PTPN14: variants seen among roughly 807,000 people sequenced by gnomAD.
PTPN14 encodes tyrosine-protein phosphatase non-receptor type 14.
PTPN14 carries 53 observed loss-of-function variants against 126.8 expected under a neutral mutation model. The ratio of observed to expected loss-of-function variants is 0.42; its 90% CI spans 0.34 to 0.53. The LOEUF (loss-of-function observed/expected upper bound fraction) is 0.53. PTPN14 is among the 20% of genes least tolerant of loss of function. PTPN14 has a pLI of 0.08. For synonymous variants in PTPN14, 630 were observed against 599.3 expected, an observed-to-expected ratio of 1.05 and a Z score of -0.75; for missense variants, 1,257 against 1,552.9, an observed-to-expected ratio of 0.81 and a Z score of 3.20.
At chr1:214,422,897 A>G (rs1172510949) in intron 3 of PTPN14, among the ~76,000 whole-genome samples, 1 of 152,212 alleles carries the variant, frequency 6.6e-6, no homozygotes, top group African/African-American at 2.4e-5. Context: ...CCCAGAAATG[A>G]GTAGGAAAAC....
chr1:214,444,686 C>T (rs528784071), intron 3 of PTPN14, among the ~76,000 whole-genome samples: 2 of 152,206 alleles, frequency 1.3e-5, no homozygotes, highest in South Asian at 4.2e-4. Flanking sequence ...AAGAAAGCTA[C>T]TGTAAGGTCA....
chr1:214,507,762 T>C (rs1571631736), intron 1 of PTPN14, among the ~76,000 whole-genome samples: 1 of 152,214 alleles, frequency 6.6e-6, no homozygotes, highest in South Asian at 2.1e-4. Flanking sequence ...CCAGTGCATA[T>C]AAAAGTTATG....
At chr1:214,449,364 C>T (rs1302414377) in intron 3 of PTPN14, among the ~76,000 whole-genome samples, 1 of 152,202 alleles carries the variant, frequency 6.6e-6, no homozygotes, top group Non-Finnish European at 1.5e-5. Context: ...AGCATAACTT[C>T]TGAGTCCCTC....
chr1:214,452,299 TTC>T (rs1660289884), intron 2 of PTPN14, among the ~76,000 whole-genome samples: 1 of 152,212 alleles, frequency 6.6e-6, no homozygotes, highest in Admixed American at 6.5e-5. Flanking sequence ...AGACTGCCTT[TTC>T]TGTGTGCCTT....
chr1:214,441,612 A>G (rs1660037996), intron 3 of PTPN14, among the ~76,000 whole-genome samples: 1 of 152,216 alleles, frequency 6.6e-6, no homozygotes, highest in East Asian at 1.9e-4. Context: ...AAATTGACAC[A>G]CCATTCTCAA....
At chr1:214,394,846 A>C in intron 9 of PTPN14, 53 bp downstream of exon 9, 1 of 1,494,062 alleles carries the variant, frequency 6.7e-7, no homozygotes, top group South Asian at 1.1e-5. Flanking sequence ...GGAGTTGAAA[A>C]GTCCAAAAGC....
At chr1:214,437,294 T>G (rs1659942225) in intron 3 of PTPN14, among the ~76,000 whole-genome samples, 1 of 152,080 alleles carries the variant, frequency 6.6e-6, no homozygotes, top group Admixed American at 6.6e-5. Context: ...TTTGCAAAAT[T>G]CTCACTTTAA....
rs144554404 is a variant in PTPN14 at position 214,373,297 on chromosome 1, G to A, written c.2908-458C>T. Among the ~76,000 whole-genome samples the A allele has an allele frequency of 5.5e-3, 834 of 152,062 alleles. 9 individuals are homozygous for A. Among genetic ancestry groups the A allele is most frequent in the African/African-American group, 0.019 (799 of 41,490 alleles). On this transcript the variant is annotated intron_variant, in intron 15 of 18. Coordinates refer to ENST00000366956, the MANE Select transcript of PTPN14 (RefSeq NM_005401.5). ...TTGAACTCCTGACTTCAGGTGATAC[G>A]CCCATCTCAGCCTCCCAAAGTGCTG...
chr1:214,534,334 T>C (rs1236526296), intron 1 of PTPN14, among the ~76,000 whole-genome samples: 1 of 152,174 alleles, frequency 6.6e-6, no homozygotes, highest in South Asian at 2.1e-4. Context: ...ATGTTTATAG[T>C]GATACTTTTT....
At chr1:214,550,593 G>A (rs866781663) in intron 1 of PTPN14, among the ~76,000 whole-genome samples, 2 of 152,202 alleles carry the variant, frequency 1.3e-5, no homozygotes, top group Non-Finnish European at 2.9e-5. Context: ...GTGAAGACCT[G>A]ATCTGAAATT....
rs372170865 is a variant in PTPN14 at position 214,357,878 on chromosome 1, C to T, written c.*44G>A. 1.2e-4 allele frequency: 198 copies of T among 1,585,470 alleles called. 1 individual carries two copies. The African/African-American group carries it at 2.1e-3, about 16-fold the overall frequency. ...TTGTCTGGAGGTGACTCTCCTCCAGCGCGATGGAGCTGGGTCCCTCCTCCA... is the reference window on the plus strand; with the variant it reads ...TTGTCTGGAGGTGACTCTCCTCCAGTGCGATGGAGCTGGGTCCCTCCTCCA... On this transcript the variant is annotated 3_prime_UTR_variant, in exon 19 of 19. Transcript: ENST00000366956.
At chr1:214,521,977 C>T (rs534721429) in intron 1 of PTPN14, among the ~76,000 whole-genome samples, 163 of 138,470 alleles carry the variant, frequency 1.2e-3, no homozygotes, top group Non-Finnish European at 2.0e-3. Flanking sequence ...TGCTCTGTTG[C>T]CCAGGCTGGA....
At chr1:214,447,634 C>T (rs1175436019) in intron 3 of PTPN14, among the ~76,000 whole-genome samples, 1 of 152,096 alleles carries the variant, frequency 6.6e-6, no homozygotes, top group Non-Finnish European at 1.5e-5. Flanking sequence ...CTCTGACACC[C>T]CTTGGCACAT....
chr1:214,534,915 A>G (rs1023554990), intron 1 of PTPN14, among the ~76,000 whole-genome samples: 4 of 152,028 alleles, frequency 2.6e-5, no homozygotes, highest in Non-Finnish European at 4.4e-5. Context: ...CAACCTATTC[A>G]CCATCCCCTC....
chr1:214,501,819 G>A (rs1654707057), intron 1 of PTPN14, among the ~76,000 whole-genome samples: 1 of 151,990 alleles, frequency 6.6e-6, no homozygotes, highest in South Asian at 2.1e-4. Context: ...CAGCACTTTG[G>A]GAGGCCAAGG....
chr1:214,392,020 G>T (rs551425146), intron 10 of PTPN14, among the ~76,000 whole-genome samples: 122 of 152,252 alleles, frequency 8.0e-4, no homozygotes, highest in African/African-American at 2.8e-3. Flanking sequence ...AATCAATAAC[G>T]ATCTTTTAGA....
intron 3 of PTPN14, among the ~76,000 whole-genome samples, chr1:214,422,490 G>T (rs1318683766): frequency 6.6e-6 from 1 of 152,106 alleles, no homozygotes; most frequent in African/African-American, 2.4e-5. Flanking sequence ...TGACTCATCA[G>T]CTCAAAATAC....
chr1:214,527,747 G>GA (rs900018802), intron 1 of PTPN14, among the ~76,000 whole-genome samples: 32 of 152,308 alleles, frequency 2.1e-4, no homozygotes, highest in African/African-American at 7.2e-4. Context: ...CAATGAAGTA[G>GA]AAAAATCTGT....
intron 11 of PTPN14, among the ~76,000 whole-genome samples, chr1:214,387,688 A>G (rs185995678): frequency 9.4e-4 from 142 of 151,514 alleles, no homozygotes; most frequent in African/African-American, 2.3e-3. Context: ...AAAAAAAAAA[A>G]AAAGAAAGAA....
Sources: allele counts gnomAD v4.1 joint callset (sites outside exome capture counted in the v4.1 genomes callset), GRCh38; gene constraint gnomAD v4.1.1; transcripts MANE v1.5; gene names NCBI Gene and HGNC (gene_info 2026-07-23, HGNC 2026-07-21).